The following NAALADL2 variants were observed in gnomAD, a reference collection of about 807,000 sequenced individuals.
The protein encoded by NAALADL2 is inactive N-acetylated-alpha-linked acidic dipeptidase-like protein 2.
In NAALADL2, 76 loss-of-function variants were observed where a neutral mutation model predicts 87.2. The observed-to-expected ratio is 0.87, with a 90% CI of 0.72 to 1.05. The LOEUF (loss-of-function observed/expected upper bound fraction) is 1.05. NAALADL2 is among the 50% of genes least tolerant of loss of function. The pLI is 0.00. For missense variants in NAALADL2, 1,089 were observed against 945.8 expected, an observed-to-expected ratio of 1.15 and a Z score of -1.99; for synonymous variants, 354 against 331.0, an observed-to-expected ratio of 1.07 and a Z score of -0.75.
intron 2 of NAALADL2, among the ~76,000 whole-genome samples, chr3:175,205,953 T>C (rs1016936128): frequency 4.0e-5 from 6 of 151,830 alleles, no homozygotes; most frequent in African/African-American, 1.5e-4. Flanking sequence ...ACAGTAAATG[T>C]TGGTGAGGAT....
intron 1 of NAALADL2, among the ~76,000 whole-genome samples, chr3:174,994,996 T>C (rs57835101): frequency 0.026 from 3,970 of 152,192 alleles, 184 homozygotes; most frequent in African/African-American, 0.091. Context: ...TCATTGTGAA[T>C]GGTGATTCTT....
At chr3:174,864,817 T>G (rs1220907340) in intron 1 of NAALADL2, among the ~76,000 whole-genome samples, 1 of 152,036 alleles carries the variant, frequency 6.6e-6, no homozygotes, top group African/African-American at 2.4e-5. Context: ...CACAGTTTTT[T>G]GGGGGAGGAC....
intron 9 of NAALADL2, among the ~76,000 whole-genome samples, chr3:175,575,765 T>G (rs1718783132): frequency 6.6e-6 from 1 of 152,196 alleles, no homozygotes; most frequent in Non-Finnish European, 1.5e-5. Context: ...TGATAAAAAA[T>G]GCTTTTGAAG....
chr3:175,331,448 A>C (rs1452269189), intron 5 of NAALADL2, among the ~76,000 whole-genome samples: 1 of 152,146 alleles, frequency 6.6e-6, no homozygotes, highest in Non-Finnish European at 1.5e-5. Flanking sequence ...GAAAGATGAT[A>C]CAACATATGC....
intron 8 of NAALADL2, among the ~76,000 whole-genome samples, chr3:175,471,267 C>A (rs1417747985): frequency 6.6e-6 from 1 of 151,650 alleles, no homozygotes; most frequent in Non-Finnish European, 1.5e-5. Context: ...TGGCAGGTCA[C>A]GAGGTCAGGA....
At chr3:175,012,899 C>T (rs1029827911) in intron 1 of NAALADL2, among the ~76,000 whole-genome samples, 25 of 149,600 alleles carry the variant, frequency 1.7e-4, no homozygotes, top group African/African-American at 6.2e-4. Flanking sequence ...AACAAAACCA[C>T]TTTGTAAATG....
intron 1 of NAALADL2, among the ~76,000 whole-genome samples, chr3:174,901,682 T>C (rs560845409): frequency 8.5e-5 from 13 of 152,222 alleles, no homozygotes; most frequent in African/African-American, 3.1e-4. Flanking sequence ...TGCTGCCACA[T>C]GCCATTTCCA....
Position 175,758,145 on chromosome 3 carries a change from CT to C in NAALADL2, c.2189+2728del, listed in dbSNP as rs975903076. On this transcript the variant is annotated intron_variant, in intron 13 of 13. Transcript: ENST00000454872. ...TAGAAAAGTAGATATTTGTCTGCCCCTGAGTTAAAAATGATTAAACACATCA... is the reference window on the plus strand; with the variant it reads ...TAGAAAAGTAGATATTTGTCTGCCCCGAGTTAAAAATGATTAAACACATCA... Among the ~76,000 whole-genome samples the C allele has an allele frequency of 5.8e-4, 88 of 152,042 alleles. 1 individual carries two copies. Among genetic ancestry groups the C allele is most frequent in the African/African-American group, 2.1e-3 (88 of 41,512 alleles).
At chr3:175,481,550 A>G (rs1019225234) in intron 9 of NAALADL2, among the ~76,000 whole-genome samples, 15 of 151,880 alleles carry the variant, frequency 9.9e-5, no homozygotes, top group African/African-American at 3.1e-4. Context: ...ACTATTTTTT[A>G]TAAAGACAAA....
intron 2 of NAALADL2, among the ~76,000 whole-genome samples, chr3:174,577,935 A>G (rs1319314955): frequency 2.0e-5 from 3 of 152,034 alleles, no homozygotes; most frequent in Non-Finnish European, 2.9e-5. Context: ...AGAAATAGAA[A>G]CTATATGTTA....
chr3:174,758,651 C>T (rs750766345), intron 3 of NAALADL2, among the ~76,000 whole-genome samples: 5 of 152,244 alleles, frequency 3.3e-5, no homozygotes, highest in South Asian at 4.1e-4. Flanking sequence ...GCCTTACAAT[C>T]GACTGTGGGG....
chr3:175,072,900 ACT>A (rs1368315633), intron 1 of NAALADL2, among the ~76,000 whole-genome samples: 1 of 151,708 alleles, frequency 6.6e-6, no homozygotes, highest in Non-Finnish European at 1.5e-5. Context: ...CAAAAAAGTC[ACT>A]CTGCTTTTTT....
chr3:174,852,818 A>G (rs1015655670), intron 3 of NAALADL2, among the ~76,000 whole-genome samples: 2 of 152,128 alleles, frequency 1.3e-5, no homozygotes, highest in Non-Finnish European at 2.9e-5. Flanking sequence ...AAATTATACT[A>G]TAAGGCTACA....
rs555567597 is a variant in NAALADL2, at chr3:175,085,779, A to G, written c.44-11011A>G. 2.3e-3 allele frequency among the ~76,000 whole-genome samples: 353 copies of G among 152,250 alleles called. 1 individual carries two copies. Among genetic ancestry groups the G allele is most frequent in the Non-Finnish European group, 3.9e-3 (263 of 68,010 alleles). On this transcript the variant is annotated intron_variant, in intron 1 of 13. Transcript: ENST00000454872. ...CTAAAAATACAAAAATTAGCTGGGC[A>G]TGGTGGCATGTGCCTGTAGTCCCAG...
At chr3:175,310,980 A>C (rs1560334429) in intron 4 of NAALADL2, among the ~76,000 whole-genome samples, 1 of 148,222 alleles carries the variant, frequency 6.7e-6, no homozygotes, top group Non-Finnish European at 1.5e-5. Context: ...TATATTTACT[A>C]ATAAGGTTTG....
chr3:175,151,979 A>G (rs965592167), intron 2 of NAALADL2, among the ~76,000 whole-genome samples: 11 of 152,166 alleles, frequency 7.2e-5, no homozygotes, highest in African/African-American at 2.7e-4. Flanking sequence ...TAGTAATGCC[A>G]TTCTTTTTTG....
intron 10 of NAALADL2, among the ~76,000 whole-genome samples, chr3:175,618,449 TC>T (rs1202652223): frequency 1.3e-5 from 2 of 152,140 alleles, no homozygotes; most frequent in Non-Finnish European, 2.9e-5. Flanking sequence ...GCTTCCCTAT[TC>T]CCTTGGGATT....
At chr3:175,502,126 C>T (rs2149370795) in intron 9 of NAALADL2, among the ~76,000 whole-genome samples, 1 of 152,124 alleles carries the variant, frequency 6.6e-6, no homozygotes, top group Non-Finnish European at 1.5e-5. Flanking sequence ...ATAAAGTGGT[C>T]ATAAATTCCT....
chr3:174,915,357 T>C (rs1734227830), intron 1 of NAALADL2, among the ~76,000 whole-genome samples: 1 of 152,146 alleles, frequency 6.6e-6, no homozygotes, highest in Non-Finnish European at 1.5e-5. Context: ...TAATTAGACA[T>C]ACTGAAGTTG....
Sources: gnomAD v4.1 joint callset for allele counts (sites outside exome capture counted in the v4.1 genomes callset) on GRCh38, gnomAD v4.1.1 for gene constraint, MANE v1.5 for transcripts, NCBI Gene and HGNC (gene_info 2026-07-23, HGNC 2026-07-21) for gene names.